SRGAP3: variants seen among roughly 807,000 people sequenced by gnomAD.
SRGAP3 encodes SLIT-ROBO Rho GTPase activating protein 3.
SRGAP3 carries 39 observed loss-of-function variants against 121.1 expected under a neutral mutation model. The ratio of observed to expected loss-of-function variants is 0.32; its 90% CI spans 0.25 to 0.42. SRGAP3 has a LOEUF of 0.42. Among genes scored for constraint, SRGAP3 ranks in the 10% least tolerant of loss-of-function variants. The pLI, the probability that SRGAP3 is intolerant of heterozygous loss-of-function variation, is 1.00. For missense variants in SRGAP3, 1,213 were observed against 1,470.6 expected, an observed-to-expected ratio of 0.82 and a Z score of 2.86; for synonymous variants, 601 against 570.0, an observed-to-expected ratio of 1.05 and a Z score of -0.77.
At chr3:9,286,416 T>C (rs2125267921) in intron 3 of SRGAP3, among the ~76,000 whole-genome samples, 4 of 151,724 alleles carry the variant, frequency 2.6e-5, no homozygotes, top group Middle Eastern at 3.4e-3. Context: ...ATCCCTGAAC[T>C]TTGGGAGGCT....
chr3:9,107,928 G>A (rs79923369), intron 2 of SRGAP3, among the ~76,000 whole-genome samples: 2,963 of 152,284 alleles, frequency 0.019, 92 homozygotes, highest in African/African-American at 0.065. Flanking sequence ...CATTTGTGCT[G>A]GGTCTTGAAG....
intron 14 of SRGAP3, among the ~76,000 whole-genome samples, chr3:9,023,669 A>G (rs1944039532): frequency 6.6e-6 from 1 of 152,230 alleles, no homozygotes; most frequent in East Asian, 1.9e-4. Context: ...TTTTGTTCAT[A>G]TTGCATTTCC....
Position 9,280,369 on chromosome 3 carries a change from C to T in SRGAP3, n.442+45641G>A, listed in dbSNP as rs559824157. 5.3e-5 allele frequency among the ~76,000 whole-genome samples: 8 copies of T among 152,354 alleles called. No individual in the cohort carries two copies. In the East Asian group the frequency reaches 1.5e-3, roughly 29 times the overall value. ...TCCCTTTCTGCTACTGCTGTGCTGC[C>T]GCCCCCACGCACACACCAGTTTGTG... On this transcript the variant is annotated intron_variant and non_coding_transcript_variant, in intron 3 of 3. Transcript: ENST00000490889.
rs1371735662 is a variant in SRGAP3, at chr3:9,356,186, TTTTTTC to T, written n.214+6648_214+6653del. On this transcript the variant is annotated intron_variant and non_coding_transcript_variant, in intron 1 of 3. Coordinates refer to the SRGAP3 transcript ENST00000490889. The stretch of plus-strand genomic sequence containing the variant: ...ACCGTGAGACCTGTTTATGGGACTT[TTTTTTC>T]TTTTTTTTTTTTTTTTTTTGAGACA... Among the ~76,000 whole-genome samples the T allele has an allele frequency of 1.7e-4, 23 of 136,222 alleles. 1 individual carries two copies. Among genetic ancestry groups the T allele is most frequent in the Non-Finnish European group, 3.1e-4 (19 of 60,952 alleles). 89.4% of individuals were successfully genotyped at this position (136,222 alleles called of 152,430 possible). A position where few individuals can be genotyped will look rare whatever the true frequency, so the allele number is the denominator to read the frequency against.
At chr3:9,210,907 T>G (rs536907693) in intron 1 of SRGAP3, among the ~76,000 whole-genome samples, 3 of 152,202 alleles carry the variant, frequency 2.0e-5, no homozygotes, top group African/African-American at 7.2e-5. Flanking sequence ...AGAAGCAAAA[T>G]AGTATAAATA....
intron 1 of SRGAP3, among the ~76,000 whole-genome samples, chr3:9,348,180 C>G (rs1335596666): frequency 6.6e-6 from 1 of 152,134 alleles, no homozygotes; most frequent in Non-Finnish European, 1.5e-5. Flanking sequence ...ACATTTCATC[C>G]AAGACAAAGC....
chr3:9,207,007 A>G (rs758854785), intron 1 of SRGAP3, among the ~76,000 whole-genome samples: 1 of 152,180 alleles, frequency 6.6e-6, no homozygotes, highest in Non-Finnish European at 1.5e-5. Flanking sequence ...GAATGACTCA[A>G]TGGATCAACT....
intron 1 of SRGAP3, among the ~76,000 whole-genome samples, chr3:9,167,342 C>G (rs776476228): frequency 3.3e-5 from 5 of 152,218 alleles, no homozygotes; most frequent in Admixed American, 1.3e-4. Flanking sequence ...TCTTCACTCT[C>G]TCTCTCATTC....
In SRGAP3 at chr3:9,025,355, C is replaced by T. The variant is rs1458861841; in HGVS notation, c.1601-17G>A. On this transcript the variant is annotated splice_polypyrimidine_tract_variant and intron_variant, in intron 13 of 21. Transcript: ENST00000383836. ...GCTGGAGTCCTAAAAAAGAAACATACAGAAAAAGAAATAGTAAATCCACGA... is the reference window on the plus strand; with the variant it reads ...GCTGGAGTCCTAAAAAAGAAACATATAGAAAAAGAAATAGTAAATCCACGA... The T allele has an allele frequency of 1.9e-6, 3 of 1,613,678 alleles. No individual in the cohort carries two copies. Among genetic ancestry groups the T allele is most frequent in the Non-Finnish European group, 2.5e-6 (3 of 1,179,726 alleles).
At chr3:9,150,148 G>A (rs867794603) in intron 1 of SRGAP3, among the ~76,000 whole-genome samples, 1 of 152,096 alleles carries the variant, frequency 6.6e-6, no homozygotes, top group Non-Finnish European at 1.5e-5. Flanking sequence ...AGATGAGGGG[G>A]TGCCAGGGAG....
At chr3:9,156,094 C>T (rs1217331963) in intron 1 of SRGAP3, among the ~76,000 whole-genome samples, 1 of 152,246 alleles carries the variant, frequency 6.6e-6, no homozygotes, top group East Asian at 1.9e-4. Flanking sequence ...GGATTACAGG[C>T]GTGAGCCACC....
chr3:9,198,050 A>G (rs915110602), intron 1 of SRGAP3, among the ~76,000 whole-genome samples: 3 of 152,232 alleles, frequency 2.0e-5, no homozygotes, highest in Non-Finnish European at 4.4e-5. Flanking sequence ...CTGTTGCTTT[A>G]TAGAAACTAG....
chr3:9,098,892 T>C (rs887740186), intron 3 of SRGAP3, among the ~76,000 whole-genome samples: 7 of 152,152 alleles, frequency 4.6e-5, no homozygotes, highest in Non-Finnish European at 1.0e-4. Flanking sequence ...AGAGTGACCG[T>C]TCGCGACTTC....
chr3:9,356,665 G>A (rs1435153368), intron 1 of SRGAP3, among the ~76,000 whole-genome samples: 2 of 151,852 alleles, frequency 1.3e-5, no homozygotes, highest in Non-Finnish European at 2.9e-5. Flanking sequence ...GAGCCACCAC[G>A]CTCAGCCAAT....
intron 1 of SRGAP3, among the ~76,000 whole-genome samples, chr3:9,198,605 C>A (rs186985253): frequency 1.6e-4 from 24 of 152,310 alleles, no homozygotes; most frequent in Non-Finnish European, 2.9e-4. Context: ...AATTAGGTAT[C>A]CAGTCCTGAG....
intron 17 of SRGAP3, among the ~76,000 whole-genome samples, chr3:9,012,902 T>G (rs1296774295): frequency 6.6e-6 from 1 of 152,102 alleles, no homozygotes; most frequent in Non-Finnish European, 1.5e-5. Flanking sequence ...GAGTTGCTGG[T>G]TGCCTGCTTG....
chr3:9,342,348 CTCA>C (rs1955801015), intron 1 of SRGAP3, among the ~76,000 whole-genome samples: 1 of 81,042 alleles, frequency 1.2e-5, no homozygotes, highest in East Asian at 7.4e-4. Flanking sequence ...AAGACTCCAT[CTCA>C]AAAAAAAAAA....
intron 1 of SRGAP3, among the ~76,000 whole-genome samples, chr3:9,204,441 G>A (rs533113795): frequency 1.8e-4 from 28 of 152,290 alleles, no homozygotes; most frequent in South Asian, 4.1e-4. Context: ...TTGCCCCCAC[G>A]GCCTTGGGCT....
At chr3:9,131,261 A>C (rs1300250) in intron 1 of SRGAP3, among the ~76,000 whole-genome samples, 117,300 of 151,840 alleles carry the variant, frequency 0.77, 45,856 homozygotes, top group African/African-American at 0.9. Context: ...CATAACACAG[A>C]GCTGAGTGGC....
Sources: allele counts gnomAD v4.1 joint callset (sites outside exome capture counted in the v4.1 genomes callset), GRCh38; gene constraint gnomAD v4.1.1; transcripts MANE v1.5; gene names NCBI Gene and HGNC (gene_info 2026-07-23, HGNC 2026-07-21).